AP3B1: variants seen among roughly 807,000 people sequenced by gnomAD.
AP3B1 encodes AP-3 complex subunit beta-1.
Under a neutral mutation model 132.5 loss-of-function variants are expected in AP3B1, and 61 were observed. That is an observed-to-expected ratio of 0.46 (90% confidence interval 0.37 to 0.57). The LOEUF (loss-of-function observed/expected upper bound fraction) is 0.57. Ranked by LOEUF, AP3B1 falls within the 20% of genes least tolerant of loss-of-function variation. AP3B1 has a pLI of 0.00. For missense variants in AP3B1, 1,120 were observed against 1,289.4 expected, an observed-to-expected ratio of 0.87 and a Z score of 2.01; for synonymous variants, 388 against 438.3, an observed-to-expected ratio of 0.89 and a Z score of 1.43.
intron 21 of AP3B1, among the ~76,000 whole-genome samples, chr5:78,100,042 C>G (rs940875945): frequency 6.6e-6 from 1 of 152,044 alleles, no homozygotes; most frequent in Non-Finnish European, 1.5e-5. Context: ...TGGATGATAC[C>G]AAACCTCAAA....
rs1161051926 is a variant in AP3B1 at position 78,273,977 on chromosome 5, T to A, written c.129-6382A>T. ...AAATACCTAGCATCTGATCAAAACT[T>A]ACGAGACATACTAAAAACAGGATGA... is the stretch of plus-strand genomic sequence containing the variant. On this transcript the variant is annotated intron_variant, in intron 1 of 26. Transcript: ENST00000255194. Among the ~76,000 whole-genome samples the A allele has an allele frequency of 2.2e-5, 3 of 134,210 alleles. No homozygotes were observed. The East Asian group carries it at 6.4e-4, about 29-fold the overall frequency. 88.0% of individuals were successfully genotyped at this position (134,210 alleles called of 152,430 possible). A position where few individuals can be genotyped will look rare whatever the true frequency, so the allele number is the denominator to read the frequency against.
At chr5:78,185,537 G>A (rs1744569596) in intron 7 of AP3B1, among the ~76,000 whole-genome samples, 3 of 152,196 alleles carry the variant, frequency 2.0e-5, no homozygotes, top group Admixed American at 6.5e-5. Context: ...GATAAGTTAT[G>A]CATGTAAAAT....
At chr5:78,022,927 T>C (rs887747494) in intron 24 of AP3B1, among the ~76,000 whole-genome samples, 18 of 152,192 alleles carry the variant, frequency 1.2e-4, no homozygotes, top group African/African-American at 4.1e-4. Context: ...TTGAACAATA[T>C]GCCCAAGGTC....
At chr5:78,170,205 C>A (rs564043533) in intron 11 of AP3B1, among the ~76,000 whole-genome samples, 1 of 152,010 alleles carries the variant, frequency 6.6e-6, no homozygotes, top group South Asian at 2.1e-4. Flanking sequence ...TGAATAGTGC[C>A]GCAATAAACA....
intron 1 of AP3B1, among the ~76,000 whole-genome samples, chr5:78,283,448 T>A (rs201441635): frequency 6.6e-6 from 1 of 152,240 alleles, no homozygotes; most frequent in East Asian, 1.9e-4. Context: ...AACTGAATTC[T>A]CCCTTCTTAG....
intron 22 of AP3B1, among the ~76,000 whole-genome samples, chr5:78,072,712 CTTTTTTTT>C (rs34203981): frequency 2.9e-5 from 2 of 68,286 alleles, no homozygotes; most frequent in Admixed American, 2.7e-4. Context: ...CTGATATATT[CTTTTTTTT>C]TTTTTTTTTT....
chr5:78,167,188 G>A (rs1470475905), intron 11 of AP3B1, among the ~76,000 whole-genome samples: 1 of 152,158 alleles, frequency 6.6e-6, no homozygotes, highest in East Asian at 1.9e-4. Flanking sequence ...CAAAGGATAT[G>A]AATAGACAAT....
intron 2 of AP3B1, among the ~76,000 whole-genome samples, chr5:78,242,405 C>A (rs539466629): frequency 7.4e-6 from 1 of 134,422 alleles, no homozygotes; most frequent in South Asian, 2.3e-4. Flanking sequence ...ATCCTAATTT[C>A]TTTCAGAATT....
chr5:78,184,168 CAA>C (rs569465616), intron 7 of AP3B1, among the ~76,000 whole-genome samples: 4 of 124,550 alleles, frequency 3.2e-5, no homozygotes, highest in Non-Finnish European at 1.7e-5. Context: ...GACTCCATCT[CAA>C]AAAAAAAAAA....
intron 25 of AP3B1, 57 bp from the exon 26 acceptor site, chr5:78,015,605 C>T: frequency 6.3e-7 from 1 of 1,597,334 alleles, no homozygotes; most frequent in Non-Finnish European, 8.5e-7. Flanking sequence ...ATTACATTTA[C>T]AGAATTTTAA....
intron 12 of AP3B1, among the ~76,000 whole-genome samples, chr5:78,163,343 C>T (rs779032392): frequency 6.6e-6 from 1 of 152,018 alleles, no homozygotes; most frequent in Non-Finnish European, 1.5e-5. Flanking sequence ...AAAAGGGTCA[C>T]TTTTTCAGAG....
chr5:78,187,410 A>G (rs1477118546), intron 7 of AP3B1, among the ~76,000 whole-genome samples: 1 of 152,222 alleles, frequency 6.6e-6, no homozygotes, highest in African/African-American at 2.4e-5. Context: ...ACTGCTTTTT[A>G]TAACCATCTA....
intron 17 of AP3B1, chr5:78,121,845 G>A (rs540262782): frequency 6.6e-6 from 1 of 152,156 alleles, no homozygotes; most frequent in African/African-American, 2.4e-5. Flanking sequence ...ACTCATTTTA[G>A]GAGGCCAGCA....
rs959445908 is a variant in AP3B1, at chr5:78,215,208, CT to C, written c.786+846del. ...GATATAACAGGAGCTTTTTAAAAAT[CT>C]TTTTTTTTTTTACACAAATTGGTTT... On this transcript the variant is annotated intron_variant, in intron 7 of 26. Transcript: ENST00000255194. Among the ~76,000 whole-genome samples, 1,342 of 142,512 alleles carry C rather than the reference CT, an allele frequency of 9.4e-3. 10 individuals carry two copies. The highest frequency in any genetic ancestry group is 0.021 in the African/African-American group (840 of 39,230). The allele number at this position is 142,512 out of a possible 152,430, so 93.5% of individuals were successfully genotyped here. A position where few individuals can be genotyped will look rare whatever the true frequency, so the allele number is the denominator to read the frequency against.
chr5:78,030,161 A>G (rs1187170707), intron 24 of AP3B1, among the ~76,000 whole-genome samples: 1 of 151,994 alleles, frequency 6.6e-6, no homozygotes, highest in African/African-American at 2.4e-5. Flanking sequence ...AGGTCTCACT[A>G]TGTTACCCAG....
intron 1 of AP3B1, among the ~76,000 whole-genome samples, chr5:78,294,209 T>TG (rs1253985399): frequency 6.6e-6 from 1 of 152,190 alleles, no homozygotes; most frequent in Non-Finnish European, 1.5e-5. Flanking sequence ...GCTCACCAAG[T>TG]GGTTTCCTTT....
At chr5:78,250,368 G>C (rs1399614063) in intron 2 of AP3B1, among the ~76,000 whole-genome samples, 1 of 152,158 alleles carries the variant, frequency 6.6e-6, no homozygotes, top group African/African-American at 2.4e-5. Context: ...TAAAGACAGA[G>C]GGAAGAGTGC....
At chr5:78,240,975 T>C (rs2112518732) in intron 2 of AP3B1, 39 bp from the exon 3 acceptor site, 2 of 1,369,478 alleles carry the variant, frequency 1.5e-6, no homozygotes, top group Non-Finnish European at 2.1e-6. Flanking sequence ...GGAAATTCTA[T>C]ATATATTAAA....
intron 21 of AP3B1, among the ~76,000 whole-genome samples, 188 bp from the exon 22 acceptor site, chr5:78,089,687 A>G (rs1163240224): frequency 6.6e-6 from 1 of 152,224 alleles, no homozygotes; most frequent in East Asian, 1.9e-4. Flanking sequence ...CTTAGCTTTC[A>G]AAACATAATG....
Sources: allele counts gnomAD v4.1 joint callset (sites outside exome capture counted in the v4.1 genomes callset), GRCh38; gene constraint gnomAD v4.1.1; transcripts MANE v1.5; gene names NCBI Gene and HGNC (gene_info 2026-07-23, HGNC 2026-07-21).